FHIT: variants seen among roughly 807,000 people sequenced by gnomAD.
FHIT encodes fragile histidine triad diadenosine triphosphatase.
FHIT carries 19 observed loss-of-function variants against 17.9 expected under a neutral mutation model. That is an observed-to-expected ratio of 1.06 (90% CI 0.74 to 1.56). The LOEUF is 1.56. Ranked by LOEUF, FHIT falls within the 40% of genes most tolerant of loss-of-function variation. The pLI is 0.00. For missense variants in FHIT, 248 were observed against 189.2 expected, an observed-to-expected ratio of 1.31 and a Z score of -1.82; for synonymous variants, 81 against 69.7, an observed-to-expected ratio of 1.16 and a Z score of -0.81.
At chr3:59,860,337 G>GGA (rs1454556934) in intron 8 of FHIT, among the ~76,000 whole-genome samples, 1 of 152,142 alleles carries the variant, frequency 6.6e-6, no homozygotes, top group African/African-American at 2.4e-5. Flanking sequence ...GTATAAAGAA[G>GGA]GAGAGAAGGG....
At chr3:61,243,631 C>A (rs1450362759) in intron 1 of FHIT, among the ~76,000 whole-genome samples, 3 of 152,114 alleles carry the variant, frequency 2.0e-5, no homozygotes, top group Non-Finnish European at 4.4e-5. Context: ...ACTGTTTAAA[C>A]CCTTTCAATA....
At position 60,539,920 on chromosome 3, in the gene FHIT, C is replaced by T. The variant is rs183791776; in HGVS notation, c.-17-2941G>A. Among the ~76,000 whole-genome samples the T allele has an allele frequency of 1.6e-3, 243 of 150,620 alleles. 3 individuals carry two copies. Among genetic ancestry groups the T allele is most frequent in the Middle Eastern group, 6.9e-3 (2 of 288 alleles). The stretch of plus-strand genomic sequence containing the variant: ...CAAACCTGCATGTTGTGCACATGTA[C>T]CCTAGAACTTAAAGTATAATAAAAA... On this transcript the variant is annotated intron_variant, in intron 4 of 9. Coordinates refer to ENST00000492590, the MANE Select transcript of FHIT (RefSeq NM_002012.4).
chr3:61,158,907 CCCTT>C (rs2037609206), intron 2 of FHIT, among the ~76,000 whole-genome samples: 1 of 152,156 alleles, frequency 6.6e-6, no homozygotes, highest in Admixed American at 6.5e-5. Flanking sequence ...TAGTGACAAG[CCCTT>C]CTCCACTGCT....
intron 5 of FHIT, among the ~76,000 whole-genome samples, chr3:60,017,085 G>T (rs1406723322): frequency 6.6e-6 from 1 of 152,202 alleles, no homozygotes; most frequent in South Asian, 2.1e-4. Flanking sequence ...GTGCTGTGAT[G>T]TCATGCTTGT....
intron 7 of FHIT, among the ~76,000 whole-genome samples, chr3:60,009,017 A>G (rs1361366255): frequency 6.6e-6 from 1 of 152,200 alleles, no homozygotes; most frequent in Non-Finnish European, 1.5e-5. Flanking sequence ...CTGAGAATCA[A>G]CTTTTTGTTG....
intron 5 of FHIT, among the ~76,000 whole-genome samples, chr3:60,493,429 C>T (rs2034151516): frequency 6.6e-6 from 1 of 152,172 alleles, no homozygotes; most frequent in Non-Finnish European, 1.5e-5. Flanking sequence ...TATGCTTACA[C>T]TGTGAGGTTA....
chr3:60,554,497 C>A (rs1276564463), intron 4 of FHIT, among the ~76,000 whole-genome samples: 1 of 152,126 alleles, frequency 6.6e-6, no homozygotes, highest in Non-Finnish European at 1.5e-5. Flanking sequence ...ACATTGTGGA[C>A]ATATTGGGAC....
intron 5 of FHIT, among the ~76,000 whole-genome samples, chr3:60,461,107 A>C (rs2032434117): frequency 6.6e-6 from 1 of 152,186 alleles, no homozygotes; most frequent in Non-Finnish European, 1.5e-5. Context: ...ATGGTAACTA[A>C]TAAAAATTTT....
intron 5 of FHIT, among the ~76,000 whole-genome samples, chr3:60,201,529 C>G (rs1216623532): frequency 6.6e-6 from 1 of 151,978 alleles, no homozygotes; most frequent in African/African-American, 2.4e-5. Context: ...CATTTAACAA[C>G]CACCCTACCC....
intron 6 of FHIT, among the ~76,000 whole-genome samples, chr3:60,011,769 T>C (rs1047376879): frequency 2.6e-5 from 4 of 152,206 alleles, no homozygotes; most frequent in Non-Finnish European, 4.4e-5. Context: ...CTGATTACTT[T>C]AAGCTTCTAC....
At chr3:60,957,716 C>T (rs776450517) in intron 3 of FHIT, among the ~76,000 whole-genome samples, 26 of 152,228 alleles carry the variant, frequency 1.7e-4, no homozygotes, top group African/African-American at 3.1e-4. Flanking sequence ...CACTTCCTCT[C>T]GGAAGCCCAG....
At chr3:60,342,487 A>G (rs1280124466) in intron 5 of FHIT, among the ~76,000 whole-genome samples, 1 of 152,228 alleles carries the variant, frequency 6.6e-6, no homozygotes, top group Non-Finnish European at 1.5e-5. Context: ...TAATGTTTAA[A>G]TATACAGTTT....
At chr3:61,210,454 C>A (rs954755742) in intron 1 of FHIT, among the ~76,000 whole-genome samples, 1 of 152,220 alleles carries the variant, frequency 6.6e-6, no homozygotes, top group African/African-American at 2.4e-5. Flanking sequence ...TGGGATCCAC[C>A]CAGAGCGAGC....
At chr3:60,948,327 C>T (rs1708725690) in intron 3 of FHIT, among the ~76,000 whole-genome samples, 1 of 152,170 alleles carries the variant, frequency 6.6e-6, no homozygotes, top group South Asian at 2.1e-4. Flanking sequence ...AGATGCCAGC[C>T]TTGGATCCAT....
At chr3:59,925,866 G>T (rs1705634664) in intron 7 of FHIT, among the ~76,000 whole-genome samples, 1 of 152,130 alleles carries the variant, frequency 6.6e-6, no homozygotes, top group Admixed American at 6.5e-5. Flanking sequence ...TCATTGCTGT[G>T]AAAAAATACC....
intron 5 of FHIT, among the ~76,000 whole-genome samples, chr3:60,225,241 G>T (rs958855839): frequency 1.3e-5 from 2 of 152,150 alleles, no homozygotes; most frequent in Admixed American, 6.5e-5. Context: ...CTAGATACCT[G>T]ATTAGATACT....
At chr3:61,214,245 TTGAC>T (rs199655534) in intron 1 of FHIT, among the ~76,000 whole-genome samples, 16,001 of 151,818 alleles carry the variant, frequency 0.11, 957 homozygotes, top group South Asian at 0.21. Context: ...ATCAACAAAA[TTGAC>T]AGACAGCTAG....
intron 5 of FHIT, among the ~76,000 whole-genome samples, chr3:60,509,312 T>G (rs1282181270): frequency 6.6e-6 from 1 of 152,182 alleles, no homozygotes; most frequent in Non-Finnish European, 1.5e-5. Context: ...CTGAGGCCTG[T>G]TTGTGCTTAG....
chr3:60,527,043 G>T (rs151014811), intron 5 of FHIT, among the ~76,000 whole-genome samples: 1 of 152,278 alleles, frequency 6.6e-6, no homozygotes, highest in African/African-American at 2.4e-5. Context: ...TCAGTAATGT[G>T]GATGTGGGGA....
Sources: gnomAD v4.1 joint callset for allele counts (sites outside exome capture counted in the v4.1 genomes callset) on GRCh38, gnomAD v4.1.1 for gene constraint, MANE v1.5 for transcripts, NCBI Gene and HGNC (gene_info 2026-07-23, HGNC 2026-07-21) for gene names.